The following RXFP1 variants were observed in gnomAD, a reference collection of about 807,000 sequenced individuals.
RXFP1 encodes the protein relaxin receptor 1.
RXFP1 carries 73 observed loss-of-function variants against 89.8 expected under a neutral mutation model. The observed-to-expected ratio is 0.81, with a 90% CI of 0.67 to 0.99. RXFP1 has a LOEUF of 0.99. Among genes scored for constraint, RXFP1 ranks in the 50% least tolerant of loss-of-function variants. The pLI, the probability that RXFP1 is intolerant of heterozygous loss-of-function variation, is 0.00. For missense variants in RXFP1, 793 were observed against 895.5 expected (o/e 0.89, Z 1.46); for synonymous variants, 277 against 305.5 (o/e 0.91, Z 0.97).
chr4:158,532,061 G>T (rs940952936), intron 1 of RXFP1, among the ~76,000 whole-genome samples: 3 of 152,066 alleles, frequency 2.0e-5, no homozygotes, highest in Admixed American at 6.6e-5. Context: ...TGCCTGATAG[G>T]CAGTTTTTCA....
chr4:158,625,177 C>T (rs1186102684), intron 9 of RXFP1, among the ~76,000 whole-genome samples: 1 of 151,950 alleles, frequency 6.6e-6, no homozygotes, highest in Non-Finnish European at 1.5e-5. Context: ...TATGAGAGAC[C>T]AAAAGCCTTG....
chr4:158,550,201 C>T (rs1560992701), intron 1 of RXFP1, among the ~76,000 whole-genome samples: 1 of 152,236 alleles, frequency 6.6e-6, no homozygotes, highest in Non-Finnish European at 1.5e-5. Flanking sequence ...TGATCTCAGA[C>T]TGCTGTGCTA....
chr4:158,554,661 C>A (rs1487514922), intron 1 of RXFP1, among the ~76,000 whole-genome samples: 1 of 151,384 alleles, frequency 6.6e-6, no homozygotes, highest in East Asian at 1.9e-4. Context: ...AATTTTACTT[C>A]CTAACCAGAC....
intron 8 of RXFP1, among the ~76,000 whole-genome samples, chr4:158,612,834 C>T (rs1050606539): frequency 2.0e-5 from 3 of 152,172 alleles, no homozygotes; most frequent in Non-Finnish European, 4.4e-5. Flanking sequence ...TGGTCTGGAA[C>T]TCCTGACTTC....
chr4:158,605,228 T>G, intron 5 of RXFP1, 89 bp downstream of exon 5: 1 of 648,896 alleles, frequency 1.5e-6, no homozygotes. Flanking sequence ...ACCAACACTA[T>G]TCCGCTGCTT....
At position 158,548,158 on chromosome 4, in the gene RXFP1, G is replaced by T. The variant is rs537193019; in HGVS notation, c.50-24540G>T. ...CCTGTATTGGGTGCACATATATTTA[G>T]GATAGTTAGCTCTTATTGTTGAATT... On this transcript the variant is annotated intron_variant, in intron 1 of 17. Coordinates refer to ENST00000307765, the MANE Select transcript of RXFP1 (RefSeq NM_021634.4). 2.0e-5 allele frequency among the ~76,000 whole-genome samples: 3 copies of T among 152,256 alleles called. No homozygotes were observed. The East Asian group carries it at 5.8e-4, about 29-fold the overall frequency.
chr4:158,607,882 A>G (rs1762797870), intron 5 of RXFP1, 90 bp from the exon 6 acceptor site: 3 of 795,514 alleles, frequency 3.8e-6, no homozygotes, highest in South Asian at 3.3e-5. Context: ...CTATGCTACC[A>G]TCACCATCAT....
chr4:158,542,584 T>C (rs1353008968), intron 1 of RXFP1, among the ~76,000 whole-genome samples: 1 of 152,222 alleles, frequency 6.6e-6, no homozygotes, highest in African/African-American at 2.4e-5. Context: ...GACTTCCTGC[T>C]TTTGTATCTG....
chr4:158,568,043 C>T (rs28665713), intron 1 of RXFP1, among the ~76,000 whole-genome samples: 3,919 of 152,260 alleles, frequency 0.026, 146 homozygotes, highest in African/African-American at 0.09. Context: ...ACCACGAACC[C>T]ACTGGGAGGA....
Position 158,626,109 on chromosome 4 carries a change from T to TAG in RXFP1, c.756-710_756-709insGA, listed in dbSNP as rs1326115605. On this transcript the variant is annotated intron_variant, in intron 9 of 17. Transcript: ENST00000307765. ...CCCAGGAGGATTATATTTAGATATC[T>TAG]ATATAGATAGATAGATAGATAGATA... is the stretch of plus-strand genomic sequence containing the variant. Among the ~76,000 whole-genome samples, 833 of 109,504 alleles carry TAG rather than the reference T, an allele frequency of 7.6e-3. 13 individuals carry two copies. The highest frequency in any genetic ancestry group is 0.048 in the African/African-American group (732 of 15,180). The allele number at this position is 109,504 out of a possible 152,430, so 71.8% of individuals were successfully genotyped here.
chr4:158,563,885 TACATATTATATA>T (rs1274854099), intron 1 of RXFP1, among the ~76,000 whole-genome samples: 1 of 148,342 alleles, frequency 6.7e-6, no homozygotes, highest in Non-Finnish European at 1.5e-5. Context: ...AATATAATGT[TACATATTATATA>T]ACATATTATA....
chr4:158,598,497 C>T (rs1002634708), intron 3 of RXFP1, among the ~76,000 whole-genome samples: 5 of 152,102 alleles, frequency 3.3e-5, no homozygotes, highest in South Asian at 2.1e-4. Context: ...CTCAGGAATT[C>T]GCCATTCCCC....
At chr4:158,605,437 C>A (rs1033810882) in intron 5 of RXFP1, among the ~76,000 whole-genome samples, 1 of 152,164 alleles carries the variant, frequency 6.6e-6, no homozygotes, top group African/African-American at 2.4e-5. Flanking sequence ...TTATCCTCTG[C>A]GTTATTCTAG....
Position 158,539,387 on chromosome 4 carries a change from C to T in RXFP1, c.49+17362C>T, listed in dbSNP as rs370012194. On this transcript the variant is annotated intron_variant, in intron 1 of 17. Transcript: ENST00000307765. The stretch of plus-strand genomic sequence containing the variant: ...AGGAGATATACCTAATGTTAAATGA[C>T]GAGTTAATGGGTGCAGCACACCACA... Among the ~76,000 whole-genome samples, 42 of 151,752 alleles carry T rather than the reference C, an allele frequency of 2.8e-4. No homozygotes were observed. In the East Asian group the frequency reaches 6.0e-3, roughly 22 times the overall value.
At chr4:158,580,715 T>A (rs372200593) in intron 2 of RXFP1, among the ~76,000 whole-genome samples, 1 of 152,214 alleles carries the variant, frequency 6.6e-6, no homozygotes, top group African/African-American at 2.4e-5. Context: ...TAGTAATAGT[T>A]TACTTTGCAA....
intron 12 of RXFP1, 133 bp downstream of exon 12, chr4:158,633,609 C>T: frequency 1.9e-6 from 1 of 527,746 alleles, no homozygotes; most frequent in Non-Finnish European, 3.4e-6. Context: ...ACATTGCTGC[C>T]CAACCACCAC....
chr4:158,641,369 G>A (rs1770343113), intron 14 of RXFP1, among the ~76,000 whole-genome samples: 1 of 151,722 alleles, frequency 6.6e-6, no homozygotes, highest in Admixed American at 6.6e-5. Context: ...TCCACTGAAG[G>A]TCCCACCATA....
chr4:158,544,689 C>A (rs1010680257), intron 1 of RXFP1, among the ~76,000 whole-genome samples: 5 of 151,712 alleles, frequency 3.3e-5, no homozygotes, highest in African/African-American at 1.2e-4. Context: ...TGAGTGAGAA[C>A]ATGAGGTGTT....
At chr4:158,647,726 G>A (rs879889062) in intron 16 of RXFP1, among the ~76,000 whole-genome samples, 2 of 151,912 alleles carry the variant, frequency 1.3e-5, no homozygotes, top group African/African-American at 2.4e-5. Context: ...TAAAAAATTA[G>A]CTGGTGTGAG....
Sources: allele counts gnomAD v4.1 joint callset (sites outside exome capture counted in the v4.1 genomes callset), GRCh38; gene constraint gnomAD v4.1.1; transcripts MANE v1.5; gene names NCBI Gene and HGNC (gene_info 2026-07-23, HGNC 2026-07-21).